Variants in TJP1 observed in about 807,000 individuals in gnomAD.
TJP1 encodes tight junction protein ZO-1.
Under a neutral mutation model 194.2 loss-of-function variants are expected in TJP1, and 43 were observed. That is an observed-to-expected ratio of 0.22 (90% CI 0.17 to 0.29). The LOEUF (loss-of-function observed/expected upper bound fraction) is 0.29, where lower values mean the gene tolerates loss of function less well. TJP1 is among the 10% of genes least tolerant of loss of function. The pLI is 1.00. For missense variants in TJP1, 1,971 were observed against 2,185.7 expected (o/e 0.90, Z 1.96); for synonymous variants, 801 against 779.0 (o/e 1.03, Z -0.47).
At chr15:29,761,908 A>G in intron 6 of TJP1, 139 bp from the exon 7 acceptor site, 1 of 796,214 alleles carries the variant, frequency 1.3e-6, no homozygotes, top group Non-Finnish European at 1.8e-6. Flanking sequence ...CCAAACTGTC[A>G]AAGTATTCCA....
chr15:29,815,452 CTTTT>C (rs1205846546), intron 1 of TJP1, among the ~76,000 whole-genome samples: 4 of 152,194 alleles, frequency 2.6e-5, no homozygotes, highest in African/African-American at 9.6e-5. Context: ...CATAAACTAT[CTTTT>C]TATTTAACAT....
intron 10 of TJP1, among the ~76,000 whole-genome samples, chr15:29,740,655 C>CAAAA (rs2044353037): frequency 6.6e-6 from 1 of 151,594 alleles, no homozygotes; most frequent in African/African-American, 2.4e-5. Flanking sequence ...ACCAAACAAA[C>CAAAA]AAAAAACTAA....
intron 2 of TJP1, among the ~76,000 whole-genome samples, chr15:29,791,781 T>G (rs1460193220): frequency 6.6e-6 from 1 of 152,184 alleles, no homozygotes. Context: ...CTCACTAGCA[T>G]TTGTTATTGC....
chr15:29,701,303 A>G lies in TJP1; in HGVS notation c.*292T>C, dbSNP rs1325341916. ...CTGGCTGGTATTTTAACGGAAATCA[A>G]TATGTGAAGTTAAGCAGTGACGATA... is the stretch of plus-strand genomic sequence containing the variant. On this transcript the variant is annotated 3_prime_UTR_variant, in exon 28 of 28. Coordinates refer to ENST00000614355, the MANE Select transcript of TJP1 (RefSeq NM_001330239.4). The G allele has an allele frequency of 1.7e-5, 5 of 301,584 alleles. No homozygotes were observed. Among genetic ancestry groups the G allele is most frequent in the South Asian group, 8.8e-5 (1 of 11,336 alleles). The allele number at this position is 301,584 out of a possible 1,614,324, so 18.7% of individuals were successfully genotyped here. A position where few individuals can be genotyped will look rare whatever the true frequency, so the allele number is the denominator to read the frequency against.
chr15:29,790,112 T>G (rs1249281200), intron 2 of TJP1, among the ~76,000 whole-genome samples: 1 of 152,222 alleles, frequency 6.6e-6, no homozygotes, highest in Non-Finnish European at 1.5e-5. Flanking sequence ...TGTCTATGGT[T>G]GCTTCTACAA....
chr15:29,852,797 G>A (rs970186884), intron 2 of TJP1, among the ~76,000 whole-genome samples: 14 of 151,910 alleles, frequency 9.2e-5, no homozygotes, highest in Non-Finnish European at 1.8e-4. Context: ...CCAGCTACTC[G>A]GGAGGCTGAG....
chr15:29,963,662 T>A (rs1382738229), intron 1 of TJP1, among the ~76,000 whole-genome samples: 1 of 152,162 alleles, frequency 6.6e-6, no homozygotes, highest in African/African-American at 2.4e-5. Flanking sequence ...TGTAAATACT[T>A]TTTTCTTTTT....
chr15:29,712,348 T>C (rs77367145), intron 23 of TJP1, among the ~76,000 whole-genome samples: 2 of 152,328 alleles, frequency 1.3e-5, no homozygotes, highest in East Asian at 3.9e-4. Flanking sequence ...TCACATTAAT[T>C]GCCAGTCTTA....
chr15:29,730,328 T>TC (rs2043542946), intron 15 of TJP1, among the ~76,000 whole-genome samples: 1 of 152,044 alleles, frequency 6.6e-6, no homozygotes, highest in South Asian at 2.1e-4. Context: ...ACACCTGTAA[T>TC]CCCAGCACTT....
At chr15:29,793,620 G>C (rs997547373) in intron 2 of TJP1, among the ~76,000 whole-genome samples, 3 of 152,152 alleles carry the variant, frequency 2.0e-5, no homozygotes, top group African/African-American at 4.8e-5. Flanking sequence ...GAGAGACAGA[G>C]AGCAGGGAGG....
intron 2 of TJP1, among the ~76,000 whole-genome samples, chr15:29,888,571 CCTT>C (rs1405849652): frequency 2.6e-5 from 4 of 152,148 alleles, no homozygotes; most frequent in Non-Finnish European, 4.4e-5. Flanking sequence ...ATTAAAGAGT[CCTT>C]CTCATATTTA....
rs536362297 is a variant in TJP1, at chr15:29,848,053, T to C, written c.307-47351A>G. Reference sequence around the variant, plus strand: ...GTTACTGTTTCCTAGTTTGATTTCATTGTGGCAGAGAACATACTCACATGA... The same window carrying C: ...GTTACTGTTTCCTAGTTTGATTTCACTGTGGCAGAGAACATACTCACATGA... On this transcript the variant is annotated intron_variant, in intron 2 of 28. Coordinates refer to the TJP1 transcript ENST00000356107. 3.7e-4 allele frequency among the ~76,000 whole-genome samples: 56 copies of C among 152,266 alleles called. No individual in the cohort carries two copies. The South Asian group carries it at 0.011, about 29-fold the overall frequency.
rs765750835 is a variant in TJP1 at position 29,800,630 on chromosome 15, T to G, written c.84+16A>C. On this transcript the variant is annotated intron_variant, in intron 2 of 27. Coordinates refer to ENST00000614355, the MANE Select transcript of TJP1 (RefSeq NM_001330239.4). The stretch of plus-strand genomic sequence containing the variant: ...CCTGAGTTATACACAGATTACTTAC[T>G]GCAACACAAACTTACCCTGTGAAGC... 2 of 1,613,568 alleles carry G rather than the reference T, an allele frequency of 1.2e-6. No homozygotes were observed. Among genetic ancestry groups the G allele is most frequent in the East Asian group, 4.5e-5 (2 of 44,826 alleles).
At chr15:29,722,989 C>T (rs190952301) in intron 18 of TJP1, among the ~76,000 whole-genome samples, 1 of 152,220 alleles carries the variant, frequency 6.6e-6, no homozygotes, top group African/African-American at 2.4e-5. Flanking sequence ...GAGTATTTAC[C>T]CAATGTTTAT....
chr15:29,926,858 C>A (rs1207804293), intron 2 of TJP1, among the ~76,000 whole-genome samples: 1 of 152,040 alleles, frequency 6.6e-6, no homozygotes, highest in Admixed American at 6.6e-5. Context: ...AAATGACTGA[C>A]ACGTTTTGAA....
At chr15:29,961,701 C>G (rs567494851) in intron 1 of TJP1, among the ~76,000 whole-genome samples, 1 of 152,238 alleles carries the variant, frequency 6.6e-6, no homozygotes, top group East Asian at 1.9e-4. Flanking sequence ...GGAGGCAGTC[C>G]CCCACTTGAT....
intron 2 of TJP1, among the ~76,000 whole-genome samples, chr15:29,894,436 G>A (rs146361355): frequency 0.014 from 2,084 of 152,308 alleles, 26 homozygotes; most frequent in South Asian, 0.032. Context: ...TCCAGCCTGG[G>A]TGACAGAGCA....
chr15:29,788,092 T>C (rs533960131), intron 2 of TJP1, among the ~76,000 whole-genome samples: 10 of 152,370 alleles, frequency 6.6e-5, no homozygotes, highest in African/African-American at 1.9e-4. Context: ...CATGCATTTA[T>C]TGCACATTCA....
intron 25 of TJP1, 68 bp downstream of exon 25, chr15:29,708,491 T>A (rs1038963012): frequency 2.3e-6 from 3 of 1,308,718 alleles, no homozygotes; most frequent in Non-Finnish European, 3.2e-6. Context: ...CCAAGTCAAA[T>A]AAACTACAAC....
Sources: allele counts gnomAD v4.1 joint callset (sites outside exome capture counted in the v4.1 genomes callset), GRCh38; gene constraint gnomAD v4.1.1; transcripts MANE v1.5; gene names NCBI Gene and HGNC (gene_info 2026-07-23, HGNC 2026-07-21).